Variants in DNAH3 observed in about 807,000 individuals in gnomAD.
DNAH3 encodes the protein dynein axonemal heavy chain 3.
In DNAH3, 332 loss-of-function variants were observed where a neutral mutation model predicts 432.5. The observed-to-expected ratio is 0.77, with a 90% CI of 0.70 to 0.84. The LOEUF is 0.84. DNAH3 is among the 40% of genes least tolerant of loss of function. The probability of loss-of-function intolerance (pLI) is 0.00; values close to 1 mark genes in which losing one functional copy is unlikely to be tolerated. For missense variants in DNAH3, 4,861 were observed against 5,114.0 expected, an observed-to-expected ratio of 0.95 and a Z score of 1.51; for synonymous variants, 1,956 against 1,900.2, an observed-to-expected ratio of 1.03 and a Z score of -0.76.
exon 25 of DNAH3, chr16:21,062,501 A>G (rs2090395913): frequency 6.2e-7 from 1 of 1,613,994 alleles, no homozygotes. Flanking sequence ...AGCTGGGTAG[A>G]TTTTCTGTAT....
At chr16:20,983,038 G>T in intron 48 of DNAH3, 152 bp from the exon 49 acceptor site, 1 of 716,398 alleles carries the variant, frequency 1.4e-6, no homozygotes, top group Non-Finnish European at 2.3e-6. Flanking sequence ...CATAATGAGT[G>T]CCTGGGAAAT....
chr16:20,945,471 G>T (rs894199783), intron 57 of DNAH3, among the ~76,000 whole-genome samples: 2 of 151,750 alleles, frequency 1.3e-5, no homozygotes, highest in Non-Finnish European at 2.9e-5. Flanking sequence ...CTCTGTCTAT[G>T]AAGTAGCCAT....
chr16:21,067,757 T>TGAGGGGGGGGTGG (rs1469229191), intron 23 of DNAH3, among the ~76,000 whole-genome samples: 5 of 29,824 alleles, frequency 1.7e-4, no homozygotes, highest in Non-Finnish European at 2.9e-4. Context: ...AAGCCAGTCT[T>TGAGGGGGGGGTGG]GGGGGGGGGG....
In DNAH3 at chr16:20,969,608, G is replaced by A. The variant is rs2085237414; in HGVS notation, c.8458+184C>T. On this transcript the variant is annotated intron_variant, in intron 52 of 61. Coordinates refer to ENST00000261383, the Ensembl canonical transcript of DNAH3. ...TTTCCCAACTGACTGAGAGGGCGGA[G>A]GCCGCTGGAGAAGCCTGAGAGAGGC... 2.6e-5 allele frequency among the ~76,000 whole-genome samples: 4 copies of A among 152,242 alleles called. No homozygotes were observed. The South Asian group carries it at 8.3e-4, about 31-fold the overall frequency.
chr16:20,994,601 T>C (rs987487322), intron 44 of DNAH3, among the ~76,000 whole-genome samples: 6 of 152,196 alleles, frequency 3.9e-5, no homozygotes, highest in East Asian at 1.9e-4. Flanking sequence ...AGAACTTTCA[T>C]CTTCCCAAAC....
At chr16:21,028,501 A>ATCTTTT (rs894380753) in intron 37 of DNAH3, among the ~76,000 whole-genome samples, 1 of 149,842 alleles carries the variant, frequency 6.7e-6, no homozygotes, top group Non-Finnish European at 1.5e-5. Context: ...TTTCTACTAA[A>ATCTTTT]AGTACAAAAA....
At chr16:21,135,114 C>T (rs1433289027) in intron 6 of DNAH3, among the ~76,000 whole-genome samples, 2 of 152,208 alleles carry the variant, frequency 1.3e-5, no homozygotes, top group East Asian at 1.9e-4. Context: ...GGGTATTTTA[C>T]AGAAAGGAGG....
chr16:20,949,388 G>A (rs1271401055), intron 56 of DNAH3, among the ~76,000 whole-genome samples: 2 of 150,316 alleles, frequency 1.3e-5, no homozygotes, highest in African/African-American at 4.9e-5. Context: ...GACATTTAAA[G>A]AGCGAGGGAG....
chr16:20,950,354 G>C (rs926399154), intron 56 of DNAH3, among the ~76,000 whole-genome samples: 13 of 152,114 alleles, frequency 8.5e-5, no homozygotes, highest in African/African-American at 3.1e-4. Context: ...CTGTGTTGTG[G>C]GGACCACCTT....
At chr16:21,100,197 A>G (rs1285561515) in intron 16 of DNAH3, among the ~76,000 whole-genome samples, 1 of 151,972 alleles carries the variant, frequency 6.6e-6, no homozygotes, top group Non-Finnish European at 1.5e-5. Flanking sequence ...ACAGCCTCCC[A>G]AGTAGCTGAG....
intron 41 of DNAH3, among the ~76,000 whole-genome samples, chr16:21,018,792 G>A (rs942099335): frequency 6.6e-6 from 1 of 152,044 alleles, no homozygotes; most frequent in Non-Finnish European, 1.5e-5. Flanking sequence ...CTACTTGGGA[G>A]GCTGAGACAG....
chr16:21,062,384 C>T, intron 25 of DNAH3, 98 bp downstream of exon 25: 3 of 955,382 alleles, frequency 3.1e-6, no homozygotes, highest in Non-Finnish European at 4.9e-6. Flanking sequence ...TGTTCCATAC[C>T]CCAGGCAGTC....
At chr16:21,119,028 TG>T (rs1185859526) in intron 11 of DNAH3, among the ~76,000 whole-genome samples, 1 of 152,314 alleles carries the variant, frequency 6.6e-6, no homozygotes, top group African/African-American at 2.4e-5. Flanking sequence ...AAATGATCTG[TG>T]TCTTGTTTGG....
chr16:20,983,658 T>C (rs1444242329), intron 48 of DNAH3, among the ~76,000 whole-genome samples: 3 of 151,992 alleles, frequency 2.0e-5, no homozygotes, highest in African/African-American at 4.8e-5. Flanking sequence ...TTCATTGTTA[T>C]TTAGACTATG....
chr16:21,040,386 TAA>T (rs2089385188), intron 32 of DNAH3, among the ~76,000 whole-genome samples: 1 of 123,426 alleles, frequency 8.1e-6, no homozygotes, highest in African/African-American at 3.3e-5. Flanking sequence ...TTTTTTTTTT[TAA>T]GACAGAGTCT....
intron 7 of DNAH3, among the ~76,000 whole-genome samples, chr16:21,130,383 C>A (rs1438015204): frequency 6.6e-6 from 1 of 151,214 alleles, no homozygotes; most frequent in African/African-American, 2.4e-5. Context: ...TGGCTCACTG[C>A]AGCCTCAGCT....
intron 14 of DNAH3, 44 bp downstream of exon 14, chr16:21,111,582 G>A: frequency 6.4e-7 from 1 of 1,571,264 alleles, no homozygotes. Context: ...GTCTCCAGTT[G>A]GTGCCAAATA....
intron 21 of DNAH3, 27 bp downstream of exon 21, chr16:21,075,404 TGGGGCTGCTTTCAAAA>T (rs1567746792): frequency 1.5e-6 from 2 of 1,308,352 alleles, no homozygotes; most frequent in East Asian, 4.6e-5. Context: ...GCATAATAAA[TGGGGCTGCTTTCAAAA>T]GGGGCTGCGG....
exon 46 of DNAH3, chr16:20,987,703 G>A (rs2086268755): frequency 1.9e-6 from 3 of 1,613,864 alleles, no homozygotes; most frequent in African/African-American, 2.7e-5. Context: ...CTGCAGGTGT[G>A]TGTGAGGGCA....
Sources: gnomAD v4.1 joint callset for allele counts (sites outside exome capture counted in the v4.1 genomes callset) on GRCh38, gnomAD v4.1.1 for gene constraint, MANE v1.5 for transcripts, NCBI Gene and HGNC (gene_info 2026-07-23, HGNC 2026-07-21) for gene names.